Variants in REXO1 observed in about 807,000 individuals in gnomAD.
REXO1 encodes RNA exonuclease 1 homolog, also known as REX1, RNA exonuclease 1 homolog.
A neutral mutation model predicts 102.6 loss-of-function variants in REXO1; 42 were observed. The ratio of observed to expected loss-of-function variants is 0.41; its 90% CI spans 0.32 to 0.53. The LOEUF (loss-of-function observed/expected upper bound fraction) is 0.53, where lower values mean the gene tolerates loss of function less well. REXO1 is among the 20% of genes least tolerant of loss of function. The pLI is 0.27. For synonymous variants in REXO1, 908 were observed against 779.1 expected (o/e 1.17, Z -2.76); for missense variants, 1,819 against 1,732.5 (o/e 1.05, Z -0.89).
chr19:1,844,829 C>A (rs891749923), intron 1 of REXO1, among the ~76,000 whole-genome samples: 5 of 152,222 alleles, frequency 3.3e-5, no homozygotes, highest in Non-Finnish European at 5.9e-5. Context: ...CCTGAGTCAG[C>A]CTGTGGCGCA....
In REXO1 at chr19:1,848,212, G is replaced by A; in HGVS notation, c.147C>T (p.Pro49=). 8.2e-7 allele frequency: 1 copy of A among 1,221,936 alleles called. No homozygotes were observed. The highest frequency in any genetic ancestry group is 1.0e-6 in the Non-Finnish European group (1 of 978,252). 75.7% of individuals were successfully genotyped at this position (1,221,936 alleles called of 1,614,324 possible). A position where few individuals can be genotyped will look rare whatever the true frequency, so the allele number is the denominator to read the frequency against. The change falls in exon 1 of 16, where the codon CCC becomes CCT. Residue 49 remains proline, a synonymous_variant. Coordinates refer to ENST00000170168, the MANE Select transcript of REXO1 (RefSeq NM_020695.4). ...SGAPGDGGEA[P]PAAGLGYDPY... Reference sequence around the variant, plus strand: ...GCGGGCGGGCATTACCTGCTGCGGGGGGCGCCTCTCCGCCGTCACCGGGCG... The same window carrying A: ...GCGGGCGGGCATTACCTGCTGCGGGAGGCGCCTCTCCGCCGTCACCGGGCG...
Position 1,832,592 on chromosome 19 carries a change from G to C in REXO1, c.158-3961C>G, listed in dbSNP as rs575052552. On this transcript the variant is annotated intron_variant, in intron 1 of 15. Transcript: ENST00000170168. Reference sequence around the variant, plus strand: ...AAAATTACATTTAGGGACCAGGCACGGTGGCTCACGCCTGTCATCCCAGCA... The same window carrying C: ...AAAATTACATTTAGGGACCAGGCACCGTGGCTCACGCCTGTCATCCCAGCA... Among the ~76,000 whole-genome samples the C allele has an allele frequency of 1.5e-3, 234 of 151,184 alleles. 1 individual carries two copies. The highest frequency in any genetic ancestry group is 4.9e-3 in the African/African-American group (205 of 41,440).
At chr19:1,846,391 A>G (rs1420716018) in intron 1 of REXO1, among the ~76,000 whole-genome samples, 2 of 152,302 alleles carry the variant, frequency 1.3e-5, no homozygotes, top group East Asian at 1.9e-4. Flanking sequence ...AGTAACAAGA[A>G]GCCCTACCAC....
In REXO1 at chr19:1,827,686, C is replaced by G; in HGVS notation, c.1103G>C (p.Gly368Ala). The change falls in exon 2 of 16, where the codon GGG becomes GCG. Residue 368 changes from glycine to alanine, a missense_variant. Physicochemically the swap from Gly to Ala is moderately conservative, Grantham distance 60. Transcript: ENST00000170168. ...SPAQVQSSQD[G>A]GCPKEGKPKK... ...GGGTTTTCCCTCCTTGGGGCAGCCC[C>G]CATCCTGTGAGGACTGGACCTGGGC... The G allele has an allele frequency of 1.5e-5, 23 of 1,567,524 alleles. No individual in the cohort carries two copies. The highest frequency in any genetic ancestry group is 1.7e-5 in the Non-Finnish European group (20 of 1,170,970).
chr19:1,832,592 G>A (rs575052552), intron 1 of REXO1, among the ~76,000 whole-genome samples: 4 of 151,064 alleles, frequency 2.6e-5, no homozygotes, highest in Non-Finnish European at 4.4e-5. Flanking sequence ...GACCAGGCAC[G>A]GTGGCTCACG....
chr19:1,825,926 C>T lies in REXO1; in HGVS notation c.1929G>A (p.Lys643=). 1.2e-6 allele frequency: 2 copies of T among 1,600,108 alleles called. No individual in the cohort carries two copies. Among genetic ancestry groups the T allele is most frequent in the East Asian group, 2.3e-5 (1 of 43,854 alleles). Residue 643 remains lysine, a synonymous_variant, in exon 3 of 16, where the codon AAG becomes AAA. Coordinates refer to ENST00000170168, the MANE Select transcript of REXO1 (RefSeq NM_020695.4). ...RLARQPPKEE[K]SEEKGLSGLT... is the part of the protein sequence containing the mutation. ...GACCCGAAAGCCCCTTCTCCTCACT[C>T]TTCTCTTCCTTGGGGGGCTAAGACA...
chr19:1,828,614 A>AG lies in REXO1; in HGVS notation c.174dup (p.Tyr59LeufsTer4). The AG allele has an allele frequency of 6.2e-7, 1 of 1,600,708 alleles. No individual in the cohort carries two copies. Among genetic ancestry groups the AG allele is most frequent in the South Asian group, 1.1e-5 (1 of 90,910 alleles). ...GGGGGCTTGGGCAGCTCAGGGTTGT[A>AG]GGGGTCGTAACCCAGCCCTGAAGGG... On this transcript the variant is annotated frameshift_variant, in exon 2 of 16. Coordinates refer to ENST00000170168, the MANE Select transcript of REXO1 (RefSeq NM_020695.4). LOFTEE classifies it high-confidence loss of function.
rs377331676 is a variant in REXO1, at chr19:1,825,821, G to C, written c.2016+18C>G. 67 of 1,491,954 alleles carry C rather than the reference G, an allele frequency of 4.5e-5. 1 individual carries two copies. In the South Asian group the frequency reaches 6.9e-4, roughly 15 times the overall value. 92.4% of individuals were successfully genotyped at this position (1,491,954 alleles called of 1,614,324 possible). A position where few individuals can be genotyped will look rare whatever the true frequency, so the allele number is the denominator to read the frequency against. ...AAAAAAAAAAGGCTCCTGCTGGCCTGGCCTCTGCGGACCTTACCTCCTGGC... is the reference window on the plus strand; with the variant it reads ...AAAAAAAAAAGGCTCCTGCTGGCCTCGCCTCTGCGGACCTTACCTCCTGGC... On this transcript the variant is annotated intron_variant, in intron 3 of 15. Coordinates refer to ENST00000170168, the MANE Select transcript of REXO1 (RefSeq NM_020695.4).
chr19:1,817,166 A>C (rs2069392668), intron 12 of REXO1, 53 bp downstream of exon 12: 1 of 1,200,016 alleles, frequency 8.3e-7, no homozygotes, highest in East Asian at 2.9e-5. Context: ...CGGCCGCACC[A>C]GGCCAGGTCC....
chr19:1,846,611 G>A (rs1415662410), intron 1 of REXO1, among the ~76,000 whole-genome samples: 2 of 152,172 alleles, frequency 1.3e-5, no homozygotes, highest in Non-Finnish European at 2.9e-5. Context: ...GACTTGCGCC[G>A]GGTGCAGTAG....
intron 1 of REXO1, among the ~76,000 whole-genome samples, chr19:1,847,786 G>A (rs956781027): frequency 1.3e-5 from 2 of 152,240 alleles, no homozygotes; most frequent in Admixed American, 6.5e-5. Context: ...AAACGTCATG[G>A]AAATAAACAA....
chr19:1,832,601 C>T (rs899483220), intron 1 of REXO1, among the ~76,000 whole-genome samples: 4 of 151,198 alleles, frequency 2.6e-5, no homozygotes, highest in Non-Finnish European at 4.4e-5. Context: ...CGGTGGCTCA[C>T]GCCTGTCATC....
intron 1 of REXO1, among the ~76,000 whole-genome samples, chr19:1,841,649 C>T (rs1289178242): frequency 6.6e-6 from 1 of 152,176 alleles, no homozygotes; most frequent in Non-Finnish European, 1.5e-5. Context: ...GGACAGAGGC[C>T]GGCCACTGGC....
rs1315359271 is a variant in REXO1, at chr19:1,815,288, T to A, written c.*778A>T. 1 of 151,268 alleles carries A rather than the reference T, an allele frequency of 6.6e-6. No homozygotes were observed. Among genetic ancestry groups the A allele is most frequent in the Non-Finnish European group, 1.5e-5 (1 of 68,160 alleles). The allele number at this position is 151,268 out of a possible 1,614,324, so 9.4% of individuals were successfully genotyped here. A position where few individuals can be genotyped will look rare whatever the true frequency, so the allele number is the denominator to read the frequency against. On this transcript the variant is annotated 3_prime_UTR_variant, in exon 16 of 16. Coordinates refer to ENST00000170168, the MANE Select transcript of REXO1 (RefSeq NM_020695.4). This position sits in a 1 kb window ranked among gnomAD's most constrained non-coding sequence, Gnocchi z 4.0. Reference sequence around the variant, plus strand: ...CATTTATTCTGTCCCTGCCTGGAGGTGAGGGGGAAGGGGGTCCGGAGAGCC... The same window carrying A: ...CATTTATTCTGTCCCTGCCTGGAGGAGAGGGGGAAGGGGGTCCGGAGAGCC...
In REXO1 at chr19:1,817,254, T is replaced by A. The variant is rs1568679239; in HGVS notation, c.3166A>T (p.Thr1056Ser). 1 of 1,613,014 alleles carries A rather than the reference T, an allele frequency of 6.2e-7. No individual in the cohort carries two copies. Among genetic ancestry groups the A allele is most frequent in the Middle Eastern group, 1.7e-4 (1 of 6,050 alleles). Residue 1056 changes from threonine to serine, a missense_variant, in exon 12 of 16, where the codon ACC (threonine) becomes TCC (serine). Thr to Ser is a moderately conservative substitution (Grantham distance 58, BLOSUM62 1). Coordinates refer to ENST00000170168, the MANE Select transcript of REXO1 (RefSeq NM_020695.4). ...KTFEKELSGDTHPGIYALDCE... is the reference protein window; with the variant it reads ...KTFEKELSGDSHPGIYALDCE... ...TCCAGGGCGTAGATCCCCGGGTGGGTGTCTCCTGAGAGCTCTTTCTCAAAG... is the reference window on the plus strand; with the variant it reads ...TCCAGGGCGTAGATCCCCGGGTGGGAGTCTCCTGAGAGCTCTTTCTCAAAG...
chr19:1,827,015 T>TGGAGGAGGA lies in REXO1; in HGVS notation c.1773_1774insTCCTCCTCC (p.Ser592_Ala593insSerSerSer). 1 of 1,372,514 alleles carries TGGAGGAGGA rather than the reference T, an allele frequency of 7.3e-7. No homozygotes were observed. Among genetic ancestry groups the TGGAGGAGGA allele is most frequent in the African/African-American group, 1.6e-5 (1 of 61,420 alleles). The allele number at this position is 1,372,514 out of a possible 1,614,324, so 85.0% of individuals were successfully genotyped here. On this transcript the variant is annotated inframe_insertion, in exon 2 of 16. Coordinates refer to ENST00000170168, the MANE Select transcript of REXO1 (RefSeq NM_020695.4). ...GAGTAGTCCACATCCGCCCCCGCGC[T>TGGAGGAGGA]GGAGGTGGAGGAGGAGGAGGAGGAG...
chr19:1,840,974 C>T (rs955443154), intron 1 of REXO1, among the ~76,000 whole-genome samples: 2 of 152,242 alleles, frequency 1.3e-5, no homozygotes, highest in African/African-American at 2.4e-5. Flanking sequence ...CCCAGAACCC[C>T]GGGCTCCAGG....
At chr19:1,848,073 G>T in intron 1 of REXO1, 129 bp downstream of exon 1, 1 of 443,574 alleles carries the variant, frequency 2.3e-6, no homozygotes, top group Non-Finnish European at 3.7e-6. Context: ...TCCCGACTGG[G>T]AAAACCGTCG....
chr19:1,828,829 G>T (rs900308064), intron 1 of REXO1, among the ~76,000 whole-genome samples, 198 bp from the exon 2 acceptor site: 1 of 152,252 alleles, frequency 6.6e-6, no homozygotes, highest in Admixed American at 6.5e-5. Context: ...GCCGGGCCCC[G>T]CCTTGCCCTG....
Sources: allele counts gnomAD v4.1 joint callset (sites outside exome capture counted in the v4.1 genomes callset), GRCh38; gene constraint gnomAD v4.1.1; non-coding constraint Gnocchi (gnomAD v3.1); transcripts MANE v1.5; gene names NCBI Gene and HGNC (gene_info 2026-07-23, HGNC 2026-07-21).